Variants in AFF1 observed in about 807,000 individuals in gnomAD.
AFF1 encodes the protein ALF transcription elongation factor 1, also known as AF4/FMR2 family member 1.
AFF1 carries 48 observed loss-of-function variants against 121.7 expected under a neutral mutation model. The observed-to-expected ratio is 0.39, with a 90% CI of 0.31 to 0.50. The LOEUF is 0.50. Ranked by LOEUF, AFF1 falls within the 20% of genes least tolerant of loss-of-function variation. AFF1 has a pLI of 0.76. For missense variants in AFF1, 1,523 were observed against 1,511.7 expected (o/e 1.01, Z -0.12); for synonymous variants, 613 against 563.0 (o/e 1.09, Z -1.26).
chr4:87,036,823 TCTCCC>T, intron 2 of AFF1: 1 of 512,578 alleles, frequency 2.0e-6, no homozygotes, highest in Non-Finnish European at 3.9e-6. Context: ...TTTTTCTCTC[TCTCCC>T]CTCCCCCATC....
chr4:86,963,831 G>A (rs1722326004), intron 2 of AFF1, among the ~76,000 whole-genome samples: 1 of 149,444 alleles, frequency 6.7e-6, no homozygotes, highest in South Asian at 2.1e-4. Flanking sequence ...GTCTCACTCT[G>A]TTGTCCAGGC....
intron 2 of AFF1, among the ~76,000 whole-genome samples, chr4:86,960,122 A>G (rs780992657): frequency 2.0e-5 from 3 of 152,150 alleles, no homozygotes; most frequent in Non-Finnish European, 4.4e-5. Flanking sequence ...TTTTAATTAA[A>G]GGAAAACAGG....
intron 4 of AFF1, among the ~76,000 whole-genome samples, chr4:87,053,528 T>G (rs1731468490): frequency 6.6e-6 from 1 of 152,238 alleles, no homozygotes; most frequent in Non-Finnish European, 1.5e-5. Context: ...TTCCCTATTA[T>G]GAGATGATCT....
chr4:87,012,440 T>C (rs1442937032), intron 2 of AFF1, among the ~76,000 whole-genome samples: 1 of 152,088 alleles, frequency 6.6e-6, no homozygotes, highest in Admixed American at 6.5e-5. Context: ...TAGAAACATA[T>C]AGTGAGGCTA....
At chr4:87,064,803 C>T (rs1323501683) in intron 4 of AFF1, among the ~76,000 whole-genome samples, 4 of 149,230 alleles carry the variant, frequency 2.7e-5, no homozygotes, top group East Asian at 2.0e-4. Context: ...ACCCAGGAAG[C>T]GGAGGTTGCA....
At chr4:87,109,504 T>C (rs917808403) in intron 11 of AFF1, among the ~76,000 whole-genome samples, 3 of 152,218 alleles carry the variant, frequency 2.0e-5, no homozygotes, top group Non-Finnish European at 2.9e-5. Flanking sequence ...TGTTTCCTTA[T>C]ATGATACTAA....
chr4:87,111,785 C>G (rs529113298), intron 11 of AFF1, among the ~76,000 whole-genome samples: 2 of 152,336 alleles, frequency 1.3e-5, no homozygotes, highest in Admixed American at 6.5e-5. Flanking sequence ...TTCCCCTTGT[C>G]TGGCACAACT....
chr4:87,072,281 T>G (rs915475140), intron 4 of AFF1, among the ~76,000 whole-genome samples: 5 of 146,248 alleles, frequency 3.4e-5, no homozygotes, highest in Admixed American at 2.1e-4. Context: ...GAGAATGGCG[T>G]GAACCCGGGA....
chr4:87,118,636 C>T (rs1560646766), intron 12 of AFF1, among the ~76,000 whole-genome samples: 3 of 152,146 alleles, frequency 2.0e-5, no homozygotes. Context: ...CCTCCAGGCA[C>T]ATGCCACTGT....
rs142818380 is a variant in AFF1, at chr4:87,003,044, T to G, written c.39-43122T>G. Among the ~76,000 whole-genome samples the G allele has an allele frequency of 9.8e-4, 149 of 152,314 alleles. 1 individual carries two copies. The highest frequency in any genetic ancestry group is 6.8e-3 in the Middle Eastern group (2 of 294). Reference sequence around the variant, plus strand: ...TGCCCATGTTGGTATTGCAGTACTTTTTTAGCCACATACAGTATCCAAGTC... The same window carrying G: ...TGCCCATGTTGGTATTGCAGTACTTGTTTAGCCACATACAGTATCCAAGTC... On this transcript the variant is annotated intron_variant, in intron 2 of 20. Transcript: ENST00000395146.
chr4:86,948,683 C>A, intron 2 of AFF1, 112 bp downstream of exon 2: 1 of 971,990 alleles, frequency 1.0e-6, no homozygotes, highest in Non-Finnish European at 1.5e-6. Flanking sequence ...CTCACGGGTG[C>A]AAGAAAATGT....
intron 2 of AFF1, among the ~76,000 whole-genome samples, chr4:86,949,021 C>T (rs1031627779): frequency 6.6e-6 from 1 of 152,020 alleles, no homozygotes; most frequent in African/African-American, 2.4e-5. Flanking sequence ...AATTTAGTGC[C>T]TTCTTGCATA....
At chr4:87,120,790 A>G (rs1727610635) in intron 12 of AFF1, among the ~76,000 whole-genome samples, 2 of 152,168 alleles carry the variant, frequency 1.3e-5, no homozygotes. Flanking sequence ...CTCCTGGTTC[A>G]CTACATCTTT....
Position 87,127,700 on chromosome 4 carries a change from A to G in AFF1, c.2961A>G (p.Leu987=). The G allele has an allele frequency of 6.2e-7, 1 of 1,614,188 alleles. No individual in the cohort carries two copies. ...AAAAGATGAAGCAGAAAGCAGAGTT[A>G]ATGGTTAGTATTGGCCCTTTATCTC... ...EAKKMKQKAE[L]MTDRVGKAFK... Residue 987 remains leucine, a synonymous_variant, in exon 16 of 21, where the codon TTA becomes TTG. Transcript: ENST00000395146.
chr4:87,114,614 A>G lies in AFF1; in HGVS notation c.1781A>G (p.Lys594Arg). The change falls in exon 12 of 21, where the codon AAG becomes AGG. Residue 594 changes from lysine to arginine, a missense_variant. Coordinates refer to ENST00000395146, the MANE Select transcript of AFF1 (RefSeq NM_001166693.3). Reference protein sequence around the residue: ...APHPGKRSCQKSPAQQEPPQR... With the variant: ...APHPGKRSCQRSPAQQEPPQR... ...CACCCCGGAAAGAGGAGCTGTCAGA[A>G]GTCTCCGGCACAGCAGGAGCCCCCA... 6.2e-7 allele frequency: 1 copy of G among 1,605,400 alleles called. No individual in the cohort carries two copies. Among genetic ancestry groups the G allele is most frequent in the Non-Finnish European group, 8.5e-7 (1 of 1,175,852 alleles).
chr4:87,051,873 A>C (rs1005780595), intron 4 of AFF1, among the ~76,000 whole-genome samples: 1 of 152,160 alleles, frequency 6.6e-6, no homozygotes, highest in East Asian at 1.9e-4. Context: ...TAGACCATCT[A>C]TTCTAATGGG....
intron 2 of AFF1, chr4:86,949,891 G>A: frequency 6.2e-7 from 1 of 1,614,118 alleles, no homozygotes; most frequent in Non-Finnish European, 8.5e-7. Flanking sequence ...ACGTGAAGGG[G>A]TTCTTGGTGG....
intron 1 of AFF1, 32 bp from the exon 2 acceptor site, chr4:86,948,466 T>G (rs1721025803): frequency 2.1e-6 from 3 of 1,441,784 alleles, no homozygotes; most frequent in Non-Finnish European, 1.9e-6. Flanking sequence ...CACAGGCTAA[T>G]GTTCACAGGC....
At chr4:87,068,204 G>T (rs1204986068) in intron 4 of AFF1, among the ~76,000 whole-genome samples, 1 of 148,618 alleles carries the variant, frequency 6.7e-6, no homozygotes, top group African/African-American at 2.5e-5. Context: ...GTGTGCACGT[G>T]TGTATTGTTA....
Sources: gnomAD v4.1 joint callset for allele counts (sites outside exome capture counted in the v4.1 genomes callset) on GRCh38, gnomAD v4.1.1 for gene constraint, MANE v1.5 for transcripts, NCBI Gene and HGNC (gene_info 2026-07-23, HGNC 2026-07-21) for gene names.